The following SH2D3C variants were observed in gnomAD, a reference collection of about 807,000 sequenced individuals.
SH2D3C encodes SH2 domain-containing protein 3C.
SH2D3C carries 25 observed loss-of-function variants against 75.2 expected under a neutral mutation model. The ratio of observed to expected loss-of-function variants is 0.33; its 90% CI spans 0.24 to 0.46. The LOEUF (loss-of-function observed/expected upper bound fraction) is 0.46. Ranked by LOEUF, SH2D3C falls within the 20% of genes least tolerant of loss-of-function variation. The probability of loss-of-function intolerance (pLI) is 1.00; values close to 1 mark genes in which losing one functional copy is unlikely to be tolerated. For synonymous variants in SH2D3C, 450 were observed against 473.7 expected (o/e 0.95, Z 0.65); for missense variants, 933 against 1,165.3 (o/e 0.80, Z 2.90).
At chr9:127,760,172 G>A (rs1845493347) in intron 3 of SH2D3C, among the ~76,000 whole-genome samples, 1 of 151,954 alleles carries the variant, frequency 6.6e-6, no homozygotes, top group Non-Finnish European at 1.5e-5. Flanking sequence ...TGGATCTGAT[G>A]GATTGCAAAA....
chr9:127,756,905 T>G (rs916311816), intron 3 of SH2D3C, among the ~76,000 whole-genome samples: 7 of 152,030 alleles, frequency 4.6e-5, no homozygotes, highest in African/African-American at 1.7e-4. Context: ...GTGCTGGCAT[T>G]ACAAGCATGA....
At chr9:127,744,445 C>T in intron 7 of SH2D3C, 119 bp downstream of exon 7, 1 of 1,269,680 alleles carries the variant, frequency 7.9e-7, no homozygotes. Flanking sequence ...AAAGGACAGC[C>T]ATGGAGCTAG....
At position 127,747,179 on chromosome 9, in the gene SH2D3C, G is replaced by A. The variant is rs866561738; in HGVS notation, c.1232C>T (p.Ser411Phe). 6 of 1,613,946 alleles carry A rather than the reference G, an allele frequency of 3.7e-6. No homozygotes were observed. The highest frequency in any genetic ancestry group is 1.7e-5 in the Admixed American group (1 of 60,008). Reference sequence around the variant, plus strand: ...GTAGGCAGGGGAGCTAGGGCTCTCGGAGATGGGCGACATGGGTGAGTGCAG... The same window carrying A: ...GTAGGCAGGGGAGCTAGGGCTCTCGAAGATGGGCGACATGGGTGAGTGCAG... ...PDLHSPMSPI[S>F]ESPSSPAYST... The change falls in exon 6 of 12, where the codon TCC (serine) becomes TTC (phenylalanine). Residue 411 changes from serine (S) to phenylalanine (F), a missense_variant. Ser to Phe is a radical substitution (Grantham distance 155). Coordinates refer to ENST00000314830, the MANE Select transcript of SH2D3C (RefSeq NM_170600.3).
intron 2 of SH2D3C, chr9:127,771,154 T>G: frequency 6.7e-7 from 1 of 1,503,680 alleles, no homozygotes; most frequent in East Asian, 2.6e-5. Flanking sequence ...TGCTCCCCGC[T>G]GGCCCTCCCC....
chr9:127,770,367 C>T (rs1447601929), intron 2 of SH2D3C, among the ~76,000 whole-genome samples: 3 of 152,174 alleles, frequency 2.0e-5, no homozygotes, highest in Non-Finnish European at 4.4e-5. Context: ...ACAGGGCCCC[C>T]GAACTTGCTC....
chr9:127,755,509 A>G (rs1485183351), intron 3 of SH2D3C, among the ~76,000 whole-genome samples: 1 of 152,158 alleles, frequency 6.6e-6, no homozygotes, highest in African/African-American at 2.4e-5. Flanking sequence ...GTGGGGACCC[A>G]TGGGCCAGCG....
At chr9:127,747,478 C>T (rs1426686438) in intron 5 of SH2D3C, among the ~76,000 whole-genome samples, 1 of 152,100 alleles carries the variant, frequency 6.6e-6, no homozygotes, top group Non-Finnish European at 1.5e-5. Context: ...AGCTAGGAAC[C>T]CTGGTGGCTA....
intron 2 of SH2D3C, among the ~76,000 whole-genome samples, chr9:127,768,165 C>T (rs982216681): frequency 2.8e-4 from 43 of 152,302 alleles, no homozygotes; most frequent in African/African-American, 1.0e-3. Context: ...CGGCCCACCA[C>T]GACCCCCACC....
chr9:127,767,931 C>A (rs947707093), intron 2 of SH2D3C, among the ~76,000 whole-genome samples: 8 of 152,238 alleles, frequency 5.3e-5, no homozygotes, highest in Non-Finnish European at 1.0e-4. Context: ...GCAGGTCCAG[C>A]AGCCTGCAAC....
chr9:127,778,439 G>C, intron 1 of SH2D3C, 152 bp downstream of exon 1: 1 of 687,610 alleles, frequency 1.5e-6, no homozygotes, highest in Non-Finnish European at 2.6e-6. Flanking sequence ...CTGGGTGACA[G>C]AGACGCTGGT....
intron 3 of SH2D3C, among the ~76,000 whole-genome samples, chr9:127,752,981 A>G (rs561553281): frequency 1.6e-4 from 24 of 152,232 alleles, no homozygotes; most frequent in African/African-American, 5.8e-4. Context: ...GGGCAGGTGG[A>G]CAGGTGGACA....
intron 5 of SH2D3C, among the ~76,000 whole-genome samples, 174 bp from the exon 6 acceptor site, chr9:127,747,445 G>A (rs1435989688): frequency 1.3e-5 from 2 of 152,148 alleles, no homozygotes; most frequent in African/African-American, 4.8e-5. Flanking sequence ...GATGAGGGAG[G>A]GGGCACAGCG....
At chr9:127,772,617 G>A (rs1461548819) in intron 2 of SH2D3C, among the ~76,000 whole-genome samples, 1 of 152,070 alleles carries the variant, frequency 6.6e-6, no homozygotes, top group African/African-American at 2.4e-5. Context: ...TTGAGACAAA[G>A]GTTCTAAGGA....
At position 127,754,617 on chromosome 9, in the gene SH2D3C, G is replaced by T. The variant is rs1415226884; in HGVS notation, c.556-3317C>A. Among the ~76,000 whole-genome samples, 1 of 152,078 alleles carries T rather than the reference G, an allele frequency of 6.6e-6. No individual in the cohort carries two copies. Among genetic ancestry groups the T allele is most frequent in the East Asian group, 1.9e-4 (1 of 5,160 alleles). ...GGGCGGGAGGGTGGCGGGCGCTCTG[G>T]CCCCAACCCTGGCATCCGAAGCATC... On this transcript the variant is annotated intron_variant, in intron 3 of 11. Transcript: ENST00000314830. The surrounding 1 kb of genome is among the most constrained non-coding windows in gnomAD (Gnocchi z 4.4).
At position 127,744,849 on chromosome 9, in the gene SH2D3C, G is replaced by C; in HGVS notation, c.1515C>G (p.Ser505Arg). Residue 505 changes from serine to arginine, a missense_variant, in exon 7 of 12, where the codon AGC becomes AGG. By Grantham distance (110) the Ser-to-Arg change is moderately radical (BLOSUM62 -1). Transcript: ENST00000314830. ...AGGTCTCAGTCGCTGCCCACTCTCG[G>C]CTGCCACGCACGGGAGGCTGGAGCT... ...YCQLQPPVRG[S>R]REWAATETSS... 1.2e-6 allele frequency: 2 copies of C among 1,614,112 alleles called. No homozygotes were observed. The highest frequency in any genetic ancestry group is 1.7e-6 in the Non-Finnish European group (2 of 1,180,028).
intron 2 of SH2D3C, 148 bp from the exon 3 acceptor site, chr9:127,761,798 C>A: frequency 1.6e-6 from 1 of 606,970 alleles, no homozygotes; most frequent in Non-Finnish European, 2.9e-6. Flanking sequence ...TATCAGCTGG[C>A]CTGGCTCCTC....
In SH2D3C at chr9:127,757,870, AGGC is replaced by A. The variant is rs1207824464; in HGVS notation, c.555+3738_555+3740del. On this transcript the variant is annotated intron_variant, in intron 3 of 11. Transcript: ENST00000314830. ...GAGATGGGGTTTCTCCATGTTGGCC[AGGC>A]TGGTCTTGAACTCCTGACCTCAAGT... 2.0e-5 allele frequency among the ~76,000 whole-genome samples: 3 copies of A among 152,150 alleles called. No homozygotes were observed. The East Asian group carries it at 5.8e-4, about 29-fold the overall frequency.
chr9:127,745,111 TAG>T lies in SH2D3C; in HGVS notation c.1265-14_1265-13del. 2.0e-6 allele frequency: 3 copies of T among 1,486,264 alleles called. No homozygotes were observed. Among genetic ancestry groups the T allele is most frequent in the South Asian group, 1.4e-5 (1 of 69,330 alleles). 92.1% of individuals were successfully genotyped at this position (1,486,264 alleles called of 1,614,324 possible). ...ATGGACACGGGTTACTGCAGAAAGG[TAG>T]AGAGAGAGGCCCCGTTATAGCAGCT... On this transcript the variant is annotated splice_polypyrimidine_tract_variant and intron_variant, in intron 6 of 11. Transcript: ENST00000314830.
Position 127,755,000 on chromosome 9 carries a change from G to C in SH2D3C, c.556-3700C>G, listed in dbSNP as rs1271870877. The C allele has an allele frequency of 1.4e-6, 1 of 694,544 alleles. No homozygotes were observed. The highest frequency in any genetic ancestry group is 1.9e-6 in the Non-Finnish European group (1 of 513,286). The allele number at this position is 694,544 out of a possible 1,614,324, so 43.0% of individuals were successfully genotyped here. On this transcript the variant is annotated intron_variant, in intron 3 of 11. Transcript: ENST00000314830. This position sits in a 1 kb window ranked among gnomAD's most constrained non-coding sequence, Gnocchi z 4.4. The stretch of plus-strand genomic sequence containing the variant: ...GGGCGCCGCTGAGCTGCAGCTCCCC[G>C]GCTGGCTCTAGGGCCCCGGGCGGAG...
Sources: gnomAD v4.1 joint callset for allele counts (sites outside exome capture counted in the v4.1 genomes callset) on GRCh38, gnomAD v4.1.1 for gene constraint, Gnocchi (gnomAD v3.1) non-coding constraint, MANE v1.5 for transcripts, NCBI Gene and HGNC (gene_info 2026-07-23, HGNC 2026-07-21) for gene names.